The following CALHM4 variants were observed in gnomAD, a reference collection of about 807,000 sequenced individuals.
CALHM4 encodes the protein calcium homeostasis modulator protein 4.
A neutral mutation model predicts 13.3 loss-of-function variants in CALHM4; 16 were observed. The observed-to-expected ratio is 1.20, with a 90% CI of 0.81 to 1.82. CALHM4 has a LOEUF of 1.82. Among genes scored for constraint, CALHM4 ranks in the 40% most tolerant of loss-of-function variants. The probability of loss-of-function intolerance (pLI) is 0.00; values close to 1 mark genes in which losing one functional copy is unlikely to be tolerated. For synonymous variants in CALHM4, 127 were observed against 137.1 expected (o/e 0.93, Z 0.52); for missense variants, 344 against 374.9 (o/e 0.92, Z 0.68).
At chr6:116,549,146 G>A (rs1450843120), upstream of CALHM4, among the ~76,000 whole-genome samples, 5 of 152,106 alleles carry the variant, frequency 3.3e-5, no homozygotes, top group South Asian at 8.3e-4. Flanking sequence ...AATTAGCCAG[G>A]TGTGGTGGAG....
chr6:116,552,680 G>T (rs1310555875), upstream of CALHM4, among the ~76,000 whole-genome samples: 1 of 152,126 alleles, frequency 6.6e-6, no homozygotes, highest in Non-Finnish European at 1.5e-5. Context: ...GTCAAGCCTA[G>T]TTCAGTGCCC....
intron 1 of CALHM4, among the ~76,000 whole-genome samples, chr6:116,534,615 C>G (rs1210595133): frequency 6.6e-6 from 1 of 152,158 alleles, no homozygotes; most frequent in East Asian, 1.9e-4. Context: ...GTGCCTAAAT[C>G]TTTTGTCCTA....
chr6:116,553,409 A>C (rs1398388301), upstream of CALHM4, among the ~76,000 whole-genome samples: 1 of 152,176 alleles, frequency 6.6e-6, no homozygotes, highest in Non-Finnish European at 1.5e-5. Flanking sequence ...AGTCTAGTAC[A>C]AGGTTAAGAA....
At chr6:116,553,609 A>G (rs1196870739), upstream of CALHM4, 2 of 599,158 alleles carry the variant, frequency 3.3e-6, no homozygotes, top group Non-Finnish European at 5.7e-6. Context: ...TTTCAGCTGT[A>G]ATCAATCTGA....
intron 2 of CALHM4, chr6:116,545,528 T>C (rs1276035571): frequency 3.9e-6 from 6 of 1,545,978 alleles, no homozygotes; most frequent in Non-Finnish European, 5.2e-6. Context: ...GCTTGATAGA[T>C]GAAGAATATG....
At chr6:116,555,085 G>A (rs938272790) in intron 1 of CALHM4, among the ~76,000 whole-genome samples, 4 of 152,134 alleles carry the variant, frequency 2.6e-5, no homozygotes, top group Admixed American at 6.5e-5. Context: ...TTGCAAAGGC[G>A]TGCATATTTT....
intron 1 of CALHM4, among the ~76,000 whole-genome samples, chr6:116,540,086 C>G (rs1415403031): frequency 6.6e-6 from 1 of 152,184 alleles, no homozygotes; most frequent in Non-Finnish European, 1.5e-5. Context: ...ATTACACTCC[C>G]CTTCTGTTTA....
intron 2 of CALHM4, among the ~76,000 whole-genome samples, chr6:116,547,542 T>C (rs1260207503): frequency 6.6e-6 from 1 of 152,218 alleles, no homozygotes; most frequent in African/African-American, 2.4e-5. Flanking sequence ...ACAGCTGTAC[T>C]CATCATCACA....
intron 1 of CALHM4, among the ~76,000 whole-genome samples, chr6:116,529,521 C>T (rs777164712): frequency 6.6e-6 from 1 of 152,120 alleles, no homozygotes; most frequent in Non-Finnish European, 1.5e-5. Flanking sequence ...CTGTGCTGCT[C>T]GAGGTAAAGT....
chr6:116,530,468 G>A (rs1772630633), intron 1 of CALHM4, among the ~76,000 whole-genome samples: 1 of 152,168 alleles, frequency 6.6e-6, no homozygotes, highest in South Asian at 2.1e-4. Context: ...GCAAACTTTT[G>A]TAATTGGTTC....
At chr6:116,530,936 TA>T in intron 1 of CALHM4, among the ~76,000 whole-genome samples, 1 of 143,978 alleles carries the variant, frequency 6.9e-6, no homozygotes, top group Non-Finnish European at 1.5e-5. Context: ...TATATATATA[TA>T]TATATATGTT....
At chr6:116,530,902 C>CACATATATATAT (rs1194839112) in intron 1 of CALHM4, among the ~76,000 whole-genome samples, 1 of 76,470 alleles carries the variant, frequency 1.3e-5, no homozygotes, top group Non-Finnish European at 2.4e-5. Context: ...AAGTGAGACT[C>CACATATATATAT]ATATATATAT....
intron 2 of CALHM4, among the ~76,000 whole-genome samples, chr6:116,547,363 G>A (rs1300600266): frequency 6.6e-6 from 1 of 152,114 alleles, no homozygotes; most frequent in African/African-American, 2.4e-5. Flanking sequence ...TCACATTATG[G>A]CCATCGGGAG....
intron 2 of CALHM4, among the ~76,000 whole-genome samples, chr6:116,546,967 A>G (rs994551703): frequency 1.3e-5 from 2 of 152,162 alleles, no homozygotes; most frequent in Admixed American, 6.5e-5. Flanking sequence ...TCTTCATCTC[A>G]TTTTAATTCA....
At chr6:116,542,035 T>C (rs1773495669) in intron 1 of CALHM4, among the ~76,000 whole-genome samples, 1 of 152,210 alleles carries the variant, frequency 6.6e-6, no homozygotes. Context: ...CCAAAGGTAT[T>C]TTTGTAGTCA....
chr6:116,535,340 T>G lies in CALHM4; in HGVS notation c.-109+6150T>G, dbSNP rs77222309. 6.0e-3 allele frequency among the ~76,000 whole-genome samples: 912 copies of G among 152,334 alleles called. 10 individuals carry two copies. The highest frequency in any genetic ancestry group is 0.021 in the African/African-American group (880 of 41,572). ...TGGACTCTTCCTTTTTAATCTCCAC[T>G]ACATTGGACATGGTTAGGCCAGTGC... is the stretch of plus-strand genomic sequence containing the variant. On this transcript the variant is annotated intron_variant, in intron 1 of 2. Coordinates refer to the CALHM4 transcript ENST00000368597.
intron 2 of CALHM4, chr6:116,545,746 C>G: frequency 2.8e-6 from 1 of 354,940 alleles, no homozygotes; most frequent in Non-Finnish European, 5.1e-6. Context: ...GATCAAATAA[C>G]TGCTTCATTT....
intron 1 of CALHM4, among the ~76,000 whole-genome samples, chr6:116,540,955 A>C (rs1773411663): frequency 6.6e-6 from 1 of 152,102 alleles, no homozygotes; most frequent in South Asian, 2.1e-4. Flanking sequence ...GAGCAGAAAA[A>C]ATTTTTGTTG....
At chr6:116,534,896 A>T (rs1772980522) in intron 1 of CALHM4, among the ~76,000 whole-genome samples, 1 of 152,162 alleles carries the variant, frequency 6.6e-6, no homozygotes, top group South Asian at 2.1e-4. Context: ...AAGTCTTTTT[A>T]TGCTGTATTT....
Sources: allele counts gnomAD v4.1 joint callset (sites outside exome capture counted in the v4.1 genomes callset), GRCh38; gene constraint gnomAD v4.1.1; transcripts MANE v1.5; gene names NCBI Gene and HGNC (gene_info 2026-07-23, HGNC 2026-07-21).